The following NDUFS6 variants were observed in gnomAD, a reference collection of about 807,000 sequenced individuals.
The protein encoded by NDUFS6 is NADH dehydrogenase [ubiquinone] iron-sulfur protein 6, mitochondrial.
Under a neutral mutation model 13.2 loss-of-function variants are expected in NDUFS6, and 14 were observed. The ratio of observed to expected loss-of-function variants is 1.06; its 90% CI spans 0.70 to 1.66. The LOEUF (loss-of-function observed/expected upper bound fraction) is 1.66, where lower values mean the gene tolerates loss of function less well. NDUFS6 is among the 40% of genes most tolerant of loss of function. The pLI is 0.00. For synonymous variants in NDUFS6, 95 were observed against 72.3 expected (o/e 1.31, Z -1.60); for missense variants, 206 against 170.8 (o/e 1.21, Z -1.15).
rs1289449552 is a variant in NDUFS6 at position 1,812,380 on chromosome 5, C to T, written c.187-1959C>T. Reference sequence around the variant, plus strand: ...GGGGAGCACATTCAAACCATAGTACCTGGTAAGGTAATTAATGAGTTTTTA... The same window carrying T: ...GGGGAGCACATTCAAACCATAGTACTTGGTAAGGTAATTAATGAGTTTTTA... On this transcript the variant is annotated intron_variant, in intron 2 of 3. Transcript: ENST00000274137. 8.6e-5 allele frequency among the ~76,000 whole-genome samples: 13 copies of T among 151,566 alleles called. No homozygotes were observed. The East Asian group carries it at 2.3e-3, about 27-fold the overall frequency.
In NDUFS6 at chr5:1,814,413, C is replaced by G. The variant is rs182811968; in HGVS notation, c.261C>G (p.Cys87Trp). 5 of 1,614,070 alleles carry G rather than the reference C, an allele frequency of 3.1e-6. No individual in the cohort carries two copies. Among genetic ancestry groups the G allele is most frequent in the Non-Finnish European group, 4.2e-6 (5 of 1,180,000 alleles). Reference sequence around the variant, plus strand: ...AGGTGGAGACTCGGGTGATAGCGTGCGATGGCGGCGGGGGAGCTCTTGGCC... The same window carrying G: ...AGGTGGAGACTCGGGTGATAGCGTGGGATGGCGGCGGGGGAGCTCTTGGCC... ...VSEVETRVIA[C>W]DGGGGALGHP... Residue 87 changes from cysteine to tryptophan, a missense_variant, in exon 3 of 4, where the codon TGC becomes TGG. Physicochemically the swap from Cys to Trp is radical, Grantham distance 215 (BLOSUM62 -2). Coordinates refer to ENST00000274137, the MANE Select transcript of NDUFS6 (RefSeq NM_004553.6). The surrounding 1 kb of genome is among the most constrained non-coding windows in gnomAD (Gnocchi z 4.9).
chr5:1,814,252 G>T lies in NDUFS6; in HGVS notation c.187-87G>T. The T allele has an allele frequency of 1.3e-6, 2 of 1,561,726 alleles. No individual in the cohort carries two copies. The highest frequency in any genetic ancestry group is 8.8e-7 in the Non-Finnish European group (1 of 1,135,116). ...CATGCACCATAGATTCGTGCTGATG[G>T]TACATGAATTTGTGTGTGGTGGGTT... On this transcript the variant is annotated intron_variant, in intron 2 of 3. Coordinates refer to ENST00000274137, the MANE Select transcript of NDUFS6 (RefSeq NM_004553.6). This position sits in a 1 kb window ranked among gnomAD's most constrained non-coding sequence, Gnocchi z 4.9.
Position 1,815,823 on chromosome 5 carries a change from T to G in NDUFS6, c.310-28T>G, listed in dbSNP as rs368624015. ...AGATTTGAAGTAGAATATGGAAATATGACATCATTCCTTTTGAATTTTTTC... is the reference window on the plus strand; with the variant it reads ...AGATTTGAAGTAGAATATGGAAATAGGACATCATTCCTTTTGAATTTTTTC... On this transcript the variant is annotated intron_variant, in intron 3 of 3. Transcript: ENST00000274137. 2.5e-6 allele frequency: 4 copies of G among 1,608,434 alleles called. No individual in the cohort carries two copies. The African/African-American group carries it at 5.4e-5, about 22-fold the overall frequency.
Position 1,814,591 on chromosome 5 carries a change from C to T in NDUFS6, c.309+130C>T, listed in dbSNP as rs1389691135. 1 of 1,379,022 alleles carries T rather than the reference C, an allele frequency of 7.3e-7. No individual in the cohort carries two copies. The highest frequency in any genetic ancestry group is 1.0e-6 in the Non-Finnish European group (1 of 995,608). 85.4% of individuals were successfully genotyped at this position (1,379,022 alleles called of 1,614,324 possible). The stretch of plus-strand genomic sequence containing the variant: ...CGAGGCGGCCCTTACGGGGTTCACA[C>T]TGCTGGCACATTCACCCTACAGCGC... On this transcript the variant is annotated intron_variant, in intron 3 of 3. Transcript: ENST00000274137. The surrounding 1 kb of genome is among the most constrained non-coding windows in gnomAD (Gnocchi z 4.9).
chr5:1,814,518 C>G lies in NDUFS6; in HGVS notation c.309+57C>G, dbSNP rs1561108111. On this transcript the variant is annotated intron_variant, in intron 3 of 3. Transcript: ENST00000274137. This position sits in a 1 kb window ranked among gnomAD's most constrained non-coding sequence, Gnocchi z 4.9. ...GGCAGCCTGCTCGTCCTCATACTCC[C>G]CTTCACTCCCAGTGCCTGTTCTTTC... 2 of 1,613,230 alleles carry G rather than the reference C, an allele frequency of 1.2e-6. No individual in the cohort carries two copies. The highest frequency in any genetic ancestry group is 1.7e-6 in the Non-Finnish European group (2 of 1,179,556).
intron 2 of NDUFS6, among the ~76,000 whole-genome samples, chr5:1,805,082 A>G (rs1419634978): frequency 3.9e-5 from 6 of 152,216 alleles, no homozygotes; most frequent in Non-Finnish European, 7.3e-5. Context: ...TGTCATCCCA[A>G]CACTTCGGGA....
chr5:1,815,998 G>T lies in NDUFS6; in HGVS notation c.*82G>T. The T allele has an allele frequency of 7.0e-7, 1 of 1,430,966 alleles. No homozygotes were observed. Among genetic ancestry groups the T allele is most frequent in the South Asian group, 1.1e-5 (1 of 87,442 alleles). The allele number at this position is 1,430,966 out of a possible 1,614,324, so 88.6% of individuals were successfully genotyped here. ...TGAGCACGTGAAGCTCGCTGGTTCT[G>T]TGCGAAGGGTATTCCTGGTGCTGAA... On this transcript the variant is annotated 3_prime_UTR_variant, in exon 4 of 4. Coordinates refer to ENST00000274137, the MANE Select transcript of NDUFS6 (RefSeq NM_004553.6).
intron 2 of NDUFS6, among the ~76,000 whole-genome samples, chr5:1,812,760 G>T (rs1447289614): frequency 1.3e-5 from 2 of 151,776 alleles, no homozygotes; most frequent in Non-Finnish European, 2.9e-5. Flanking sequence ...GAGCTAGAAA[G>T]GGTGTGTGTA....
In NDUFS6 at chr5:1,801,480, G is replaced by A; in HGVS notation, c.63G>A (p.Leu21=). ...LNRCGEAARS[L]PLGARCFGVR... ...GGTGTGGCGAGGCGGCGCGGAGCCTGCCCCTGGGCGCCAGGTGTTTCGGGG... is the reference window on the plus strand; with the variant it reads ...GGTGTGGCGAGGCGGCGCGGAGCCTACCCCTGGGCGCCAGGTGTTTCGGGG... The change falls in exon 1 of 4, where the codon CTG becomes CTA. Residue 21 remains leucine, a synonymous_variant. Coordinates refer to ENST00000274137, the MANE Select transcript of NDUFS6 (RefSeq NM_004553.6). 1.2e-6 allele frequency: 2 copies of A among 1,603,208 alleles called. No homozygotes were observed. Among genetic ancestry groups the A allele is most frequent in the East Asian group, 2.2e-5 (1 of 44,794 alleles).
chr5:1,808,519 C>T (rs1473592689), intron 2 of NDUFS6, among the ~76,000 whole-genome samples: 1 of 152,218 alleles, frequency 6.6e-6, no homozygotes, highest in Non-Finnish European at 1.5e-5. Flanking sequence ...TCACGAGCCC[C>T]AGGTTCACAT....
At chr5:1,802,091 C>G (rs1214485995) in intron 1 of NDUFS6, 3 of 540,264 alleles carry the variant, frequency 5.6e-6, no homozygotes, top group African/African-American at 3.8e-5. Context: ...GCTCCACCTT[C>G]CCGGGCTATG....
In NDUFS6 at chr5:1,815,894, A is replaced by G. The variant is rs748728259; in HGVS notation, c.353A>G (p.Gln118Arg). 13 of 1,614,138 alleles carry G rather than the reference A, an allele frequency of 8.1e-6. No individual in the cohort carries two copies. Among genetic ancestry groups the G allele is most frequent in the Admixed American group, 3.3e-5 (2 of 60,012 alleles). Residue 118 changes from glutamine to arginine, a missense_variant, in exon 4 of 4, where the codon CAG (glutamine) becomes CGG (arginine). Physicochemically the swap from Gln to Arg is conservative, Grantham distance 43 (BLOSUM62 1). Transcript: ENST00000274137. The stretch of plus-strand genomic sequence containing the variant: ...GGCACATGCGGTTACTGTGGGCTCC[A>G]GTTCAGACAGCACCACCACTAGAGC... ...KTGTCGYCGL[Q>R]FRQHHH
At chr5:1,812,111 A>G (rs1734227106) in intron 2 of NDUFS6, among the ~76,000 whole-genome samples, 1 of 152,198 alleles carries the variant, frequency 6.6e-6, no homozygotes, top group Non-Finnish European at 1.5e-5. Flanking sequence ...TATTTCTTAC[A>G]GTCTGGAGGC....
chr5:1,801,661 C>A, intron 1 of NDUFS6, 112 bp downstream of exon 1: 2 of 1,456,540 alleles, frequency 1.4e-6, no homozygotes, highest in South Asian at 2.6e-5. Context: ...CAGCGCAGGT[C>A]GTGGTAAGGT....
intron 2 of NDUFS6, among the ~76,000 whole-genome samples, chr5:1,805,734 GT>G (rs1734112700): frequency 6.6e-6 from 1 of 152,228 alleles, no homozygotes; most frequent in South Asian, 2.1e-4. Context: ...GATATGACTT[GT>G]CCCCTAATAG....
intron 1 of NDUFS6, among the ~76,000 whole-genome samples, chr5:1,801,962 C>T (rs1384588583): frequency 6.6e-6 from 1 of 152,198 alleles, no homozygotes; most frequent in African/African-American, 2.4e-5. Context: ...AACAAAGGTA[C>T]CTGTGTATAC....
chr5:1,805,859 G>T (rs1388833254), intron 2 of NDUFS6, among the ~76,000 whole-genome samples: 1 of 152,202 alleles, frequency 6.6e-6, no homozygotes, highest in Admixed American at 6.5e-5. Context: ...AGTAGCTGGG[G>T]CTGCCCTGCC....
intron 2 of NDUFS6, 34 bp downstream of exon 2, chr5:1,802,408 T>C: frequency 6.4e-7 from 1 of 1,566,046 alleles, no homozygotes; most frequent in Non-Finnish European, 8.8e-7. Flanking sequence ...GAGGTAAGCT[T>C]TCCTAAAACT....
At chr5:1,815,373 C>T (rs142104022) in intron 3 of NDUFS6, among the ~76,000 whole-genome samples, 1 of 152,332 alleles carries the variant, frequency 6.6e-6, no homozygotes, top group Non-Finnish European at 1.5e-5. Flanking sequence ...GGTTAAGGGA[C>T]TTTAACTTCG....
Sources: gnomAD v4.1 joint callset for allele counts (sites outside exome capture counted in the v4.1 genomes callset) on GRCh38, gnomAD v4.1.1 for gene constraint, Gnocchi (gnomAD v3.1) non-coding constraint, MANE v1.5 for transcripts, NCBI Gene and HGNC (gene_info 2026-07-23, HGNC 2026-07-21) for gene names.